The following MBP variants were observed in gnomAD, a reference collection of about 807,000 sequenced individuals.
MBP encodes Golli-MBP.
Under a neutral mutation model 35.8 loss-of-function variants are expected in MBP, and 16 were observed. That is an observed-to-expected ratio of 0.45 (90% CI 0.30 to 0.68). MBP has a LOEUF of 0.68. Among genes scored for constraint, MBP ranks in the 30% least tolerant of loss-of-function variants. The pLI is 0.08. For synonymous variants in MBP, 143 were observed against 159.6 expected, an observed-to-expected ratio of 0.90 and a Z score of 0.78; for missense variants, 380 against 404.7, an observed-to-expected ratio of 0.94 and a Z score of 0.52.
intron 3 of MBP, among the ~76,000 whole-genome samples, chr18:77,060,468 T>TTTTTTTA (rs11422817): frequency 0.029 from 3,913 of 132,766 alleles, 411 homozygotes; most frequent in African/African-American, 0.1. Flanking sequence ...TTTTTTTTTT[T>TTTTTTTA]ATGAGGCGGA....
chr18:77,009,835 C>T (rs541732498), intron 4 of MBP: 41 of 1,567,152 alleles, frequency 2.6e-5, no homozygotes, highest in African/African-American at 1.4e-4. Flanking sequence ...GGTGAGGACC[C>T]GCCGGCGTCT....
At chr18:77,019,287 A>G (rs1177606483) in intron 3 of MBP, among the ~76,000 whole-genome samples, 2 of 152,184 alleles carry the variant, frequency 1.3e-5, no homozygotes, top group African/African-American at 4.8e-5. Flanking sequence ...CCTTATTTGG[A>G]AATAGATCTT....
intron 1 of MBP, among the ~76,000 whole-genome samples, chr18:77,129,503 C>T (rs1167253779): frequency 6.6e-6 from 1 of 152,226 alleles, no homozygotes; most frequent in East Asian, 1.9e-4. Context: ...ATGTGTATCT[C>T]CACCTGCTTC....
chr18:76,984,587 G>A lies in MBP; in HGVS notation c.870+188C>T, dbSNP rs1014481234. 1.1e-5 allele frequency: 8 copies of A among 727,472 alleles called. No homozygotes were observed. The East Asian group carries it at 1.4e-4, about 13-fold the overall frequency. The allele number at this position is 727,472 out of a possible 1,614,324, so 45.1% of individuals were successfully genotyped here. On this transcript the variant is annotated intron_variant, in intron 8 of 8. Transcript: ENST00000355994. ...GCACCTCCGGCTTCACATGCATCTC[G>A]GAGGAAATCCACGCGTAAATGCGGG... is the stretch of plus-strand genomic sequence containing the variant.
intron 7 of MBP, chr18:76,986,360 A>C: frequency 1.0e-6 from 1 of 985,492 alleles, no homozygotes; most frequent in South Asian, 4.7e-5. Context: ...GAGGACCTTG[A>C]CCAACCTAGC....
At chr18:77,121,350 TCCTATAGTA>T (rs1207508483) in intron 1 of MBP, among the ~76,000 whole-genome samples, 1 of 152,098 alleles carries the variant, frequency 6.6e-6, no homozygotes, top group East Asian at 1.9e-4. Context: ...TACTTTAAGT[TCCTATAGTA>T]CGTGTTATTT....
At chr18:77,016,807 A>T (rs528177995) in intron 4 of MBP, 25 bp downstream of exon 4, 33 of 1,609,196 alleles carry the variant, frequency 2.1e-5, no homozygotes, top group Non-Finnish European at 2.6e-5. Context: ...TTTAAACTAA[A>T]ACTCCTCTAC....
intron 1 of MBP, chr18:77,110,263 T>G (rs1976404713): frequency 6.6e-6 from 1 of 152,104 alleles, no homozygotes. Context: ...ATAAGAGAAG[T>G]GTGCAGTGGT....
intron 3 of MBP, among the ~76,000 whole-genome samples, chr18:77,037,363 T>A (rs1972820794): frequency 6.6e-6 from 1 of 152,220 alleles, no homozygotes; most frequent in Non-Finnish European, 1.5e-5. Context: ...TGGTCACATT[T>A]TGGAGGACTG....
In MBP at chr18:76,989,811, G is replaced by T; in HGVS notation, c.681+145C>A. On this transcript the variant is annotated intron_variant, in intron 5 of 8. Coordinates refer to ENST00000355994, the MANE Select transcript of MBP (RefSeq NM_001025101.2). This position sits in a 1 kb window ranked among gnomAD's most constrained non-coding sequence, Gnocchi z 4.0. ...GCCTGGAACTCGCGATCAGGTGCGA[G>T]GGGGGAGTTCCCCGGCCGGCCTCAC... 4.5e-6 allele frequency: 3 copies of T among 663,592 alleles called. No individual in the cohort carries two copies. The highest frequency in any genetic ancestry group is 1.8e-5 in the South Asian group (1 of 56,298). 41.1% of individuals were successfully genotyped at this position (663,592 alleles called of 1,614,324 possible).
At chr18:76,993,719 T>A (rs1970103750) in intron 4 of MBP, among the ~76,000 whole-genome samples, 1 of 152,206 alleles carries the variant, frequency 6.6e-6, no homozygotes, top group African/African-American at 2.4e-5. Context: ...GCAGCTCCCA[T>A]ACTCTTCACA....
At chr18:77,072,989 C>A (rs1288376112) in intron 2 of MBP, among the ~76,000 whole-genome samples, 1 of 152,210 alleles carries the variant, frequency 6.6e-6, no homozygotes, top group Non-Finnish European at 1.5e-5. Flanking sequence ...TCGCCCACTG[C>A]CATTGCCCTG....
chr18:77,094,577 C>T (rs1975681216), intron 2 of MBP, among the ~76,000 whole-genome samples: 1 of 152,238 alleles, frequency 6.6e-6, no homozygotes, highest in Admixed American at 6.5e-5. Context: ...TGGTTTACAG[C>T]ACGCCAGCAT....
chr18:77,040,467 T>C (rs1208790971), intron 3 of MBP, among the ~76,000 whole-genome samples: 10 of 151,756 alleles, frequency 6.6e-5, no homozygotes, highest in African/African-American at 1.7e-4. Flanking sequence ...GAGCCCGCAT[T>C]GCCAAGTCAA....
intron 1 of MBP, 76 bp from the exon 2 acceptor site, chr18:77,105,362 G>T: frequency 1.1e-6 from 1 of 937,496 alleles, no homozygotes; most frequent in Non-Finnish European, 1.7e-6. Flanking sequence ...CCATCAGAAA[G>T]ACAATCCTGT....
intron 3 of MBP, among the ~76,000 whole-genome samples, chr18:77,056,300 C>CG (rs1973717939): frequency 6.6e-6 from 1 of 152,204 alleles, no homozygotes; most frequent in Non-Finnish European, 1.5e-5. Flanking sequence ...CATTCCCGTC[C>CG]GGGGGATTAA....
chr18:77,118,512 C>T (rs902905763), intron 1 of MBP, among the ~76,000 whole-genome samples: 2 of 151,916 alleles, frequency 1.3e-5, no homozygotes, highest in African/African-American at 4.8e-5. Context: ...TGAGTGTCTG[C>T]CCTGTGCTCG....
intron 3 of MBP, among the ~76,000 whole-genome samples, chr18:77,040,506 C>A (rs528898703): frequency 6.6e-6 from 1 of 152,192 alleles, no homozygotes; most frequent in Non-Finnish European, 1.5e-5. Context: ...AAGCTGGAGG[C>A]ATCATGCTAC....
At chr18:77,040,801 C>A (rs906041789) in intron 3 of MBP, among the ~76,000 whole-genome samples, 30 of 152,296 alleles carry the variant, frequency 2.0e-4, no homozygotes, top group African/African-American at 3.4e-4. Context: ...TAAAGACTTA[C>A]ATGTTAGACC....
Sources: allele counts gnomAD v4.1 joint callset (sites outside exome capture counted in the v4.1 genomes callset), GRCh38; gene constraint gnomAD v4.1.1; non-coding constraint Gnocchi (gnomAD v3.1); transcripts MANE v1.5; gene names NCBI Gene and HGNC (gene_info 2026-07-23, HGNC 2026-07-21).